The following GOLGA4 variants were observed in gnomAD, a reference collection of about 807,000 sequenced individuals.
GOLGA4 encodes golgin subfamily A member 4.
Under a neutral mutation model 265.9 loss-of-function variants are expected in GOLGA4, and 169 were observed. The ratio of observed to expected loss-of-function variants is 0.64; its 90% CI spans 0.56 to 0.72. The LOEUF (loss-of-function observed/expected upper bound fraction) is 0.72. Among genes scored for constraint, GOLGA4 ranks in the 30% least tolerant of loss-of-function variants. The probability of loss-of-function intolerance (pLI) is 0.00; values close to 1 mark genes in which losing one functional copy is unlikely to be tolerated. For synonymous variants in GOLGA4, 923 were observed against 855.8 expected (o/e 1.08, Z -1.37); for missense variants, 2,482 against 2,483.4 (o/e 1.00, Z 0.01).
At chr3:37,335,356 A>G (rs1371817044) in intron 17 of GOLGA4, among the ~76,000 whole-genome samples, 190 bp downstream of exon 17, 7 of 152,240 alleles carry the variant, frequency 4.6e-5, no homozygotes, top group Non-Finnish European at 1.0e-4. Flanking sequence ...GTTCAAGCTC[A>G]CACAATAAGT....
At chr3:37,245,143 C>T (rs2096715489) in intron 1 of GOLGA4, among the ~76,000 whole-genome samples, 1 of 152,178 alleles carries the variant, frequency 6.6e-6, no homozygotes, top group Admixed American at 6.5e-5. Flanking sequence ...TAAATTTTAT[C>T]AGGCAATTAG....
At chr3:37,286,139 T>TTTC in intron 4 of GOLGA4, 78 bp downstream of exon 4, 2 of 192,426 alleles carry the variant, frequency 1.0e-5, no homozygotes, top group Non-Finnish European at 8.6e-6. Context: ...TATTTCTTTC[T>TTTC]TTTTTTTTTT....
At position 37,325,455 on chromosome 3, in the gene GOLGA4, C is replaced by T. The variant is rs55988365; in HGVS notation, c.3569C>T (p.Ser1190Phe). The change falls in exon 14 of 24, where the codon TCT becomes TTT. Residue 1190 changes from serine (S) to phenylalanine (F), a missense_variant. Ser to Phe is a radical substitution (Grantham distance 155, BLOSUM62 -2). Around this residue, in one of 3 missense-constraint regions of GOLGA4, gnomAD observed 1,536 missense variants for 1,483.7 expected, o/e 1.04. Transcript: ENST00000361924. Reference protein sequence around the residue: ...TTDEEFQSLKSSHEKSNKSLE... With the variant: ...TTDEEFQSLKFSHEKSNKSLE... Reference sequence around the variant, plus strand: ...GATGAAGAATTCCAGAGTTTGAAATCTTCACATGAAAAAAGTAACAAAAGC... The same window carrying T: ...GATGAAGAATTCCAGAGTTTGAAATTTTCACATGAAAAAAGTAACAAAAGC... 1.4e-3 allele frequency: 2,205 copies of T among 1,611,446 alleles called. 27 individuals carry two copies. In the African/African-American group the frequency reaches 0.025, roughly 18 times the overall value.
At chr3:37,263,655 G>A (rs1387694513) in intron 2 of GOLGA4, among the ~76,000 whole-genome samples, 1 of 152,052 alleles carries the variant, frequency 6.6e-6, no homozygotes, top group Non-Finnish European at 1.5e-5. Flanking sequence ...AGGCTTTAAG[G>A]TGGCTGCCAA....
chr3:37,282,365 A>G (rs1019724108), intron 3 of GOLGA4, 93 bp downstream of exon 3: 42 of 891,926 alleles, frequency 4.7e-5, no homozygotes, highest in Non-Finnish European at 6.0e-5. Flanking sequence ...GATTGGCTAA[A>G]CTGTTAATTC....
intron 1 of GOLGA4, among the ~76,000 whole-genome samples, chr3:37,246,930 A>C (rs999742483): frequency 3.3e-5 from 5 of 152,190 alleles, no homozygotes; most frequent in African/African-American, 1.2e-4. Flanking sequence ...AAAAATAAAA[A>C]CAAAAAAACC....
At chr3:37,286,613 C>T (rs1017720271) in intron 4 of GOLGA4, among the ~76,000 whole-genome samples, 6 of 152,040 alleles carry the variant, frequency 3.9e-5, no homozygotes, top group South Asian at 2.1e-4. Context: ...TTACAGATCT[C>T]GGTAGTGTTT....
chr3:37,358,717 G>A (rs946529817), intron 22 of GOLGA4, among the ~76,000 whole-genome samples: 1 of 152,004 alleles, frequency 6.6e-6, no homozygotes, highest in South Asian at 2.1e-4. Context: ...AAAAGAGACT[G>A]GAAAGGTAAA....
intron 1 of GOLGA4, chr3:37,245,357 G>T (rs1390181604): frequency 3.3e-5 from 5 of 152,524 alleles, no homozygotes; most frequent in Non-Finnish European, 5.9e-5. Flanking sequence ...TACGCAGCTA[G>T]TGTTAGAGTC....
chr3:37,260,897 T>C (rs1304561481), intron 2 of GOLGA4, among the ~76,000 whole-genome samples: 3 of 151,968 alleles, frequency 2.0e-5, no homozygotes, highest in Non-Finnish European at 4.4e-5. Flanking sequence ...CTGGATGTGG[T>C]GGCTCACACC....
chr3:37,295,465 C>T (rs1042196881), intron 6 of GOLGA4, among the ~76,000 whole-genome samples: 8 of 152,224 alleles, frequency 5.3e-5, no homozygotes, highest in East Asian at 3.8e-4. Context: ...GCGATCCTTC[C>T]GCCTTGGCCT....
rs182544012 is a variant in GOLGA4 at position 37,289,922 on chromosome 3, G to A, written c.582+631G>A. Reference sequence around the variant, plus strand: ...ATTGGTGTTTTCTCTCCACTCATTTGTATTGTTTGTTGAAGAATATCTTGT... The same window carrying A: ...ATTGGTGTTTTCTCTCCACTCATTTATATTGTTTGTTGAAGAATATCTTGT... On this transcript the variant is annotated intron_variant, in intron 5 of 23. Transcript: ENST00000361924. Among the ~76,000 whole-genome samples, 51 of 152,254 alleles carry A rather than the reference G, an allele frequency of 3.3e-4. No individual in the cohort carries two copies. In the East Asian group the frequency reaches 6.0e-3, roughly 18 times the overall value.
intron 9 of GOLGA4, among the ~76,000 whole-genome samples, chr3:37,299,802 C>T (rs1313224345): frequency 6.6e-6 from 1 of 151,756 alleles, no homozygotes; most frequent in African/African-American, 2.4e-5. Flanking sequence ...TTAATCTCAG[C>T]ACTTTGGGAG....
chr3:37,338,925 G>A (rs888556820), intron 19 of GOLGA4, among the ~76,000 whole-genome samples: 1 of 146,444 alleles, frequency 6.8e-6, no homozygotes, highest in Non-Finnish European at 1.5e-5. Context: ...GTAGTGGCAC[G>A]ATCTAGGCTC....
intron 22 of GOLGA4, among the ~76,000 whole-genome samples, chr3:37,360,068 A>T (rs2097100466): frequency 6.6e-6 from 1 of 152,190 alleles, no homozygotes; most frequent in Admixed American, 6.5e-5. Context: ...ATCTCTGTGA[A>T]CAGTTTGGGG....
At chr3:37,286,750 T>A (rs1442044244) in intron 4 of GOLGA4, among the ~76,000 whole-genome samples, 1 of 152,232 alleles carries the variant, frequency 6.6e-6, no homozygotes, top group Non-Finnish European at 1.5e-5. Flanking sequence ...GCTTTTTAAA[T>A]ACCTGCAGAC....
chr3:37,355,292 C>A, intron 22 of GOLGA4, 105 bp downstream of exon 22: 2 of 667,072 alleles, frequency 3.0e-6, no homozygotes, highest in East Asian at 2.8e-5. Flanking sequence ...TTTAAGATTT[C>A]AAATCTTTAT....
chr3:37,258,902 G>A (rs2096761894), intron 2 of GOLGA4, among the ~76,000 whole-genome samples: 1 of 151,906 alleles, frequency 6.6e-6, no homozygotes, highest in South Asian at 2.1e-4. Flanking sequence ...TTTTGTTGAG[G>A]ATTTTTGTGT....
chr3:37,308,658 C>T (rs1245282469), intron 10 of GOLGA4, among the ~76,000 whole-genome samples: 1 of 151,644 alleles, frequency 6.6e-6, no homozygotes, highest in East Asian at 1.9e-4. Flanking sequence ...CTCTGTCGCC[C>T]AGGCTGGAGT....
Sources: gnomAD v4.1 joint callset for allele counts (sites outside exome capture counted in the v4.1 genomes callset) on GRCh38, gnomAD v4.1.1 for gene constraint, gnomAD v4.1.1 regional missense constraint, MANE v1.5 for transcripts, NCBI Gene and HGNC (gene_info 2026-07-23, HGNC 2026-07-21) for gene names.